SLC4A4: variants seen among roughly 807,000 people sequenced by gnomAD.
SLC4A4 encodes electrogenic sodium bicarbonate cotransporter 1.
Under a neutral mutation model 111.5 loss-of-function variants are expected in SLC4A4, and 27 were observed. The ratio of observed to expected loss-of-function variants is 0.24; its 90% CI spans 0.18 to 0.33. The LOEUF (loss-of-function observed/expected upper bound fraction) is 0.33. Ranked by LOEUF, SLC4A4 falls within the 10% of genes least tolerant of loss-of-function variation. The pLI, the probability that SLC4A4 is intolerant of heterozygous loss-of-function variation, is 1.00. For synonymous variants in SLC4A4, 443 were observed against 463.4 expected (o/e 0.96, Z 0.57); for missense variants, 909 against 1,315.5 (o/e 0.69, Z 4.78).
chr4:71,075,476 A>AC (rs1250212494), intron 1 of SLC4A4, among the ~76,000 whole-genome samples: 4 of 151,666 alleles, frequency 2.6e-5, no homozygotes, highest in Non-Finnish European at 5.9e-5. Context: ...TTCACTTCTC[A>AC]CCCCCTTCCT....
chr4:71,300,275 C>A, intron 3 of SLC4A4: 2 of 210,840 alleles, frequency 9.5e-6, no homozygotes, highest in Non-Finnish European at 2.0e-5. Flanking sequence ...TGCCATAGCA[C>A]GGGCACACGG....
intron 2 of SLC4A4, among the ~76,000 whole-genome samples, chr4:71,106,394 A>G (rs1355307021): frequency 6.7e-6 from 1 of 150,126 alleles, no homozygotes; most frequent in Non-Finnish European, 1.5e-5. Context: ...AACTAGAAAT[A>G]CCATTTGAGC....
At chr4:71,152,632 G>A (rs2148972759) in intron 2 of SLC4A4, among the ~76,000 whole-genome samples, 1 of 152,132 alleles carries the variant, frequency 6.6e-6, no homozygotes. Flanking sequence ...AGGTACTATG[G>A]ACACACTATT....
chr4:71,325,112 A>G (rs1355328108), intron 3 of SLC4A4, among the ~76,000 whole-genome samples: 1 of 151,952 alleles, frequency 6.6e-6, no homozygotes, highest in African/African-American at 2.4e-5. Flanking sequence ...GTAACTGTCT[A>G]ATTTACTTGT....
intron 6 of SLC4A4, among the ~76,000 whole-genome samples, chr4:71,394,903 A>G (rs750150837): frequency 1.8e-4 from 28 of 152,258 alleles, no homozygotes; most frequent in Admixed American, 1.5e-3. Flanking sequence ...GAATGGTACA[A>G]TGGACTTTGG....
chr4:71,508,036 A>C (rs1415684128), intron 16 of SLC4A4, among the ~76,000 whole-genome samples: 1 of 152,214 alleles, frequency 6.6e-6, no homozygotes, highest in African/African-American at 2.4e-5. Context: ...CTTTGAAACT[A>C]ATCAGAACAA....
rs75388782 is a variant in SLC4A4 at position 71,392,221 on chromosome 4, C to T, written c.731-5356C>T. On this transcript the variant is annotated intron_variant, in intron 6 of 25. Transcript: ENST00000264485. The stretch of plus-strand genomic sequence containing the variant: ...TCTGGAAAAGGCTGATTAAACAGTG[C>T]GTTTCCAAAACAAAATTATTTATTT... Among the ~76,000 whole-genome samples, 928 of 152,026 alleles carry T rather than the reference C, an allele frequency of 6.1e-3. 7 individuals carry two copies. The highest frequency in any genetic ancestry group is 0.021 in the African/African-American group (881 of 41,498).
chr4:71,363,998 T>C (rs1410952737), intron 6 of SLC4A4, among the ~76,000 whole-genome samples: 2 of 152,262 alleles, frequency 1.3e-5, no homozygotes, highest in Admixed American at 1.3e-4. Context: ...GGCAGATGAC[T>C]GATTTTCCAA....
At position 71,555,112 on chromosome 4, in the gene SLC4A4, T is replaced by C. The variant is rs757533939; in HGVS notation, c.2695-28T>C. 3.4e-6 allele frequency: 5 copies of C among 1,491,820 alleles called. No individual in the cohort carries two copies. In the Admixed American group the frequency reaches 8.4e-5, roughly 25 times the overall value. The allele number at this position is 1,491,820 out of a possible 1,614,324, so 92.4% of individuals were successfully genotyped here. A position where few individuals can be genotyped will look rare whatever the true frequency, so the allele number is the denominator to read the frequency against. On this transcript the variant is annotated intron_variant, in intron 20 of 25. Coordinates refer to ENST00000264485, the MANE Select transcript of SLC4A4 (RefSeq NM_001098484.3). ...TCCTCTTTTTTCTTGTTATCATTTT[T>C]AAGTTGTATCCATTTTTTTCCTTCT... is the stretch of plus-strand genomic sequence containing the variant.
At chr4:71,523,764 G>T (rs1733170575) in intron 16 of SLC4A4, among the ~76,000 whole-genome samples, 1 of 152,092 alleles carries the variant, frequency 6.6e-6, no homozygotes, top group Non-Finnish European at 1.5e-5. Context: ...TTACTCTTGT[G>T]TATTAATATA....
At chr4:71,453,389 T>C (rs1725943063) in intron 11 of SLC4A4, 106 bp from the exon 12 acceptor site, 1 of 1,125,716 alleles carries the variant, frequency 8.9e-7, no homozygotes, top group Non-Finnish European at 1.4e-6. Context: ...TTGTCACTGA[T>C]TCAAGCATTT....
chr4:71,558,160 T>C (rs1324861898), intron 22 of SLC4A4, among the ~76,000 whole-genome samples: 1 of 151,950 alleles, frequency 6.6e-6, no homozygotes, highest in Non-Finnish European at 1.5e-5. Flanking sequence ...AAATGGGAGT[T>C]GCATTGTTGT....
chr4:71,453,025 C>A (rs1272449704), intron 11 of SLC4A4, among the ~76,000 whole-genome samples: 1 of 152,130 alleles, frequency 6.6e-6, no homozygotes. Context: ...ATGTCCTCAG[C>A]ACTCAGAAGA....
intron 6 of SLC4A4, among the ~76,000 whole-genome samples, chr4:71,359,320 A>G (rs1190026580): frequency 6.6e-6 from 1 of 152,234 alleles, no homozygotes; most frequent in Non-Finnish European, 1.5e-5. Flanking sequence ...GTTCTTTTCC[A>G]GCTCTTCAGC....
intron 1 of SLC4A4, among the ~76,000 whole-genome samples, chr4:71,189,743 C>T (rs1031970319): frequency 1.2e-4 from 18 of 152,156 alleles, no homozygotes; most frequent in African/African-American, 4.1e-4. Flanking sequence ...GGAGAAGCGT[C>T]CTGAGAGACT....
At chr4:71,299,323 T>C (rs989875847) in intron 3 of SLC4A4, among the ~76,000 whole-genome samples, 2 of 152,186 alleles carry the variant, frequency 1.3e-5, no homozygotes, top group Non-Finnish European at 2.9e-5. Flanking sequence ...AACACTTTAT[T>C]AAGACCTTAC....
chr4:71,197,443 G>C (rs956527687), intron 1 of SLC4A4, among the ~76,000 whole-genome samples: 4 of 152,092 alleles, frequency 2.6e-5, no homozygotes, highest in Admixed American at 1.3e-4. Flanking sequence ...TCTGTTCTTT[G>C]AGTTGGATAA....
intron 21 of SLC4A4, among the ~76,000 whole-genome samples, chr4:71,557,008 GC>G (rs1387599033): frequency 6.6e-6 from 1 of 151,906 alleles, no homozygotes; most frequent in African/African-American, 2.4e-5. Flanking sequence ...TTGAAGCACA[GC>G]ACCTGACACA....
chr4:71,455,670 A>G (rs1193912337), intron 12 of SLC4A4, among the ~76,000 whole-genome samples: 2 of 152,148 alleles, frequency 1.3e-5, no homozygotes, highest in African/African-American at 2.4e-5. Context: ...TGTGCAGATA[A>G]TTTTTAAACT....
Sources: gnomAD v4.1 joint callset for allele counts (sites outside exome capture counted in the v4.1 genomes callset) on GRCh38, gnomAD v4.1.1 for gene constraint, MANE v1.5 for transcripts, NCBI Gene and HGNC (gene_info 2026-07-23, HGNC 2026-07-21) for gene names.